CHM: variants seen among roughly 807,000 people sequenced by gnomAD.
CHM encodes CHM Rab escort protein.
Under a neutral mutation model 49.0 loss-of-function variants are expected in CHM, and 10 were observed. That is an observed-to-expected ratio of 0.20 (90% CI 0.13 to 0.35). The LOEUF (loss-of-function observed/expected upper bound fraction) is 0.35. CHM is among the 10% of genes least tolerant of loss of function. The probability of loss-of-function intolerance (pLI) is 1.00; values close to 1 mark genes in which losing one functional copy is unlikely to be tolerated. For missense variants in CHM, 455 were observed against 478.4 expected (o/e 0.95, Z 0.46); for synonymous variants, 184 against 167.5 (o/e 1.10, Z -0.76).
At chrX:85,938,207 C>T (rs944847329) in intron 8 of CHM, among the ~76,000 whole-genome samples, 5 of 111,661 alleles carry the variant, frequency 4.5e-5, no homozygotes, top group Non-Finnish European at 9.4e-5. Context: ...TGGATTATCT[C>T]ACCACCCCCT....
chrX:86,031,071 A>G (rs1293496313), intron 1 of CHM, among the ~76,000 whole-genome samples: 1 of 111,699 alleles, frequency 9.0e-6, no homozygotes, highest in Admixed American at 9.5e-5. Context: ...AAAGCCAGTG[A>G]CAGAAGGACA....
In CHM at chrX:85,914,105, A is replaced by G. The variant is rs146056883; in HGVS notation, c.1167-2767T>C. ...TGGAATGCTAGATGCAGGAGCCCCTATGAGCCCCATGGACATTTGAGATGG... is the reference window on the plus strand; with the variant it reads ...TGGAATGCTAGATGCAGGAGCCCCTGTGAGCCCCATGGACATTTGAGATGG... On this transcript the variant is annotated intron_variant, in intron 8 of 14. Coordinates refer to ENST00000357749, the MANE Select transcript of CHM (RefSeq NM_000390.4). 1.9e-3 allele frequency among the ~76,000 whole-genome samples: 213 copies of G among 111,455 alleles called. 2 individuals carry two copies. Among genetic ancestry groups the G allele is most frequent in the African/African-American group, 6.8e-3 (210 of 30,676 alleles).
At chrX:85,986,758 A>G (rs1006705119) in intron 2 of CHM, among the ~76,000 whole-genome samples, 1 of 112,077 alleles carries the variant, frequency 8.9e-6, no homozygotes, top group East Asian at 2.8e-4. Context: ...TCAAATGGCC[A>G]GTGTTGTATG....
At chrX:86,006,790 C>T (rs951954129) in intron 2 of CHM, among the ~76,000 whole-genome samples, 6 of 111,987 alleles carry the variant, frequency 5.4e-5, no homozygotes, top group East Asian at 5.6e-4. Context: ...ACATTCCATT[C>T]GCATGGATAG....
chrX:85,926,188 C>A (rs1237324127), intron 8 of CHM, among the ~76,000 whole-genome samples: 3 of 111,192 alleles, frequency 2.7e-5, no homozygotes, highest in Admixed American at 1.9e-4. Flanking sequence ...TCTCCCCATG[C>A]AAGTAAGAGC....
chrX:86,011,708 G>T (rs1258596992), intron 2 of CHM, among the ~76,000 whole-genome samples: 1 of 111,566 alleles, frequency 9.0e-6, no homozygotes, highest in African/African-American at 3.3e-5. Flanking sequence ...CTTCACACGG[G>T]AAGATTATCC....
At chrX:85,992,022 C>T (rs747699758) in intron 2 of CHM, among the ~76,000 whole-genome samples, 30 of 111,376 alleles carry the variant, frequency 2.7e-4, no homozygotes, top group Non-Finnish European at 3.4e-4. Flanking sequence ...AGATTTAAGA[C>T]CAGGGACAAT....
intron 4 of CHM, among the ~76,000 whole-genome samples, chrX:85,964,862 T>C (rs1039147017): frequency 8.9e-6 from 1 of 112,531 alleles, no homozygotes; most frequent in Non-Finnish European, 1.9e-5. Context: ...TGAATTTCTG[T>C]GATATTTTAT....
At chrX:85,994,845 A>G (rs1201961535) in intron 2 of CHM, among the ~76,000 whole-genome samples, 1 of 112,010 alleles carries the variant, frequency 8.9e-6, no homozygotes, top group Non-Finnish European at 1.9e-5. Context: ...TGAAAGAGGA[A>G]GGATAGTAAA....
At chrX:85,892,928 T>G (rs181214101) in intron 12 of CHM, among the ~76,000 whole-genome samples, 113 of 111,483 alleles carry the variant, frequency 1.0e-3, no homozygotes, top group African/African-American at 3.5e-3. Context: ...TACAAAAAAT[T>G]TTTTTCTAGT....
At chrX:85,920,256 C>G (rs756798437) in intron 8 of CHM, among the ~76,000 whole-genome samples, 4 of 109,980 alleles carry the variant, frequency 3.6e-5, no homozygotes, top group Admixed American at 9.7e-5. Flanking sequence ...CCACCACACC[C>G]AGCTAATTTT....
chrX:85,938,086 T>C (rs979788396), intron 8 of CHM, among the ~76,000 whole-genome samples: 4 of 111,811 alleles, frequency 3.6e-5, no homozygotes, highest in African/African-American at 1.3e-4. Context: ...ATTCCATTGC[T>C]TTATTAACGA....
chrX:85,986,532 C>T (rs183132879), intron 2 of CHM, among the ~76,000 whole-genome samples: 1 of 111,844 alleles, frequency 8.9e-6, no homozygotes, highest in East Asian at 2.8e-4. Context: ...TACTGGATGA[C>T]ACGCCAAAGC....
chrX:85,952,834 C>T (rs1337551418), intron 8 of CHM, among the ~76,000 whole-genome samples: 1 of 112,890 alleles, frequency 8.9e-6, no homozygotes, highest in East Asian at 2.8e-4. Flanking sequence ...GGGGAGCCCA[C>T]TGCCATGAAG....
intron 8 of CHM, among the ~76,000 whole-genome samples, chrX:85,919,022 C>T (rs1369417730): frequency 9.0e-6 from 1 of 111,624 alleles, no homozygotes; most frequent in African/African-American, 3.3e-5. Flanking sequence ...CCCTACCCAA[C>T]AACGACAGAA....
intron 11 of CHM, among the ~76,000 whole-genome samples, chrX:85,897,178 T>G (rs935706312): frequency 3.1e-5 from 3 of 97,822 alleles, no homozygotes; most frequent in African/African-American, 1.1e-4. Flanking sequence ...ATATATATTA[T>G]ATATATACTA....
At chrX:85,915,400 G>A (rs1927391041) in intron 8 of CHM, among the ~76,000 whole-genome samples, 1 of 111,729 alleles carries the variant, frequency 9.0e-6, no homozygotes, top group Admixed American at 9.5e-5. Flanking sequence ...CACAAGACAA[G>A]GATGCCCTCT....
intron 8 of CHM, among the ~76,000 whole-genome samples, chrX:85,913,558 G>A (rs1428545533): frequency 9.1e-6 from 1 of 109,541 alleles, no homozygotes; most frequent in East Asian, 2.9e-4. Flanking sequence ...TGCTAGAAAA[G>A]ACAAGGAACA....
chrX:85,895,850 A>G (rs1451653559), intron 11 of CHM, among the ~76,000 whole-genome samples: 1 of 111,092 alleles, frequency 9.0e-6, no homozygotes, highest in Non-Finnish European at 1.9e-5. Context: ...TAAAAACATG[A>G]CCATAATTGG....
Sources: gnomAD v4.1 joint callset for allele counts (sites outside exome capture counted in the v4.1 genomes callset) on GRCh38, gnomAD v4.1.1 for gene constraint, MANE v1.5 for transcripts, NCBI Gene and HGNC (gene_info 2026-07-23, HGNC 2026-07-21) for gene names.